Variants in LARGE1 observed in about 807,000 individuals in gnomAD.
LARGE1 encodes LARGE xylosyl- and glucuronyltransferase 1, also known as xylosyl- and glucuronyltransferase LARGE1.
A neutral mutation model predicts 87.6 loss-of-function variants in LARGE1; 43 were observed. The observed-to-expected ratio is 0.49, with a 90% CI of 0.38 to 0.63. LARGE1 has a LOEUF of 0.63. LARGE1 is among the 30% of genes least tolerant of loss of function. LARGE1 has a pLI of 0.00. For synonymous variants in LARGE1, 434 were observed against 394.6 expected, an observed-to-expected ratio of 1.10 and a Z score of -1.18; for missense variants, 802 against 1,000.2, an observed-to-expected ratio of 0.80 and a Z score of 2.67.
chr22:33,693,308 T>C (rs1371514028), intron 2 of LARGE1, among the ~76,000 whole-genome samples: 1 of 151,998 alleles, frequency 6.6e-6, no homozygotes, highest in Non-Finnish European at 1.5e-5. Context: ...GTACACTACT[T>C]GGGTGACAGG....
intron 5 of LARGE1, among the ~76,000 whole-genome samples, chr22:33,579,281 T>C (rs557575676): frequency 6.6e-6 from 1 of 152,212 alleles, no homozygotes; most frequent in Non-Finnish European, 1.5e-5. Flanking sequence ...AGCTCTCTCT[T>C]TGCCTGCTGC....
At chr22:33,089,296 TTCTTCCTCTTC>T in the LARGE1 span, among the ~76,000 whole-genome samples, 274 of 150,538 alleles carry the variant, frequency 1.8e-3, 1 homozygote, top group Middle Eastern at 6.8e-3. Flanking sequence ...CTTCTTCTTC[TTCTTCCTCTTC>T]TTCTTCTTTC....
intron 7 of LARGE1, among the ~76,000 whole-genome samples, chr22:33,426,292 T>C (rs1046159943): frequency 6.6e-6 from 1 of 152,236 alleles, no homozygotes; most frequent in Non-Finnish European, 1.5e-5. Context: ...AACAGTTTTC[T>C]ACCCTACCCT....
At chr22:33,113,926 A>T in the LARGE1 span, among the ~76,000 whole-genome samples, 154 of 149,554 alleles carry the variant, frequency 1.0e-3, no homozygotes, top group Non-Finnish European at 1.8e-3. Flanking sequence ...GCTGGAGTGC[A>T]GTGTTGCGAT....
intron 5 of LARGE1, among the ~76,000 whole-genome samples, chr22:33,577,192 T>C (rs927017289): frequency 8.5e-5 from 13 of 152,160 alleles, no homozygotes; most frequent in Non-Finnish European, 1.9e-4. Context: ...AAAAATAAGA[T>C]ATTCCAATGG....
chr22:33,585,912 T>C (rs2078658809), intron 5 of LARGE1, among the ~76,000 whole-genome samples: 1 of 152,234 alleles, frequency 6.6e-6, no homozygotes, highest in Non-Finnish European at 1.5e-5. Flanking sequence ...TTGGCCAGGC[T>C]GGTCTCAAAC....
chr22:33,089,143 AT>A, the LARGE1 span, among the ~76,000 whole-genome samples: 1 of 152,092 alleles, frequency 6.6e-6, no homozygotes, highest in Non-Finnish European at 1.5e-5. Flanking sequence ...TAAGTCTTTC[AT>A]TTTCTTCAGA....
At chr22:33,478,801 T>C (rs1240921090) in intron 6 of LARGE1, among the ~76,000 whole-genome samples, 1 of 152,174 alleles carries the variant, frequency 6.6e-6, no homozygotes, top group African/African-American at 2.4e-5. Context: ...TGTGTTCCCG[T>C]AGCAGGGATA....
At chr22:33,725,280 G>A (rs550903480) in intron 2 of LARGE1, among the ~76,000 whole-genome samples, 2 of 152,322 alleles carry the variant, frequency 1.3e-5, no homozygotes, top group South Asian at 2.1e-4. Context: ...CCAGGATGTG[G>A]TCTGGGAGGC....
chr22:33,867,002 A>C (rs1212545172), intron 1 of LARGE1, among the ~76,000 whole-genome samples: 1 of 152,246 alleles, frequency 6.6e-6, no homozygotes, highest in Non-Finnish European at 1.5e-5. Flanking sequence ...GCAATGAAAA[A>C]GAAATGCCAA....
At chr22:33,823,267 T>C (rs1473392513) in intron 1 of LARGE1, among the ~76,000 whole-genome samples, 1 of 152,244 alleles carries the variant, frequency 6.6e-6, no homozygotes, top group East Asian at 1.9e-4. Flanking sequence ...TGTCTGTGTG[T>C]GTGTATGTAC....
intron 11 of LARGE1, among the ~76,000 whole-genome samples, chr22:33,246,665 C>T (rs1386318352): frequency 6.6e-6 from 1 of 152,098 alleles, no homozygotes; most frequent in Admixed American, 6.6e-5. Context: ...TAAATAACAA[C>T]TTTTAAAAAC....
chr22:33,133,228 C>T, the LARGE1 span, among the ~76,000 whole-genome samples: 3 of 152,074 alleles, frequency 2.0e-5, no homozygotes, highest in African/African-American at 7.2e-5. Context: ...ATGTGCAGAA[C>T]GTGCAGTTTT....
At chr22:33,543,639 C>T (rs889731276) in intron 6 of LARGE1, among the ~76,000 whole-genome samples, 4 of 152,216 alleles carry the variant, frequency 2.6e-5, no homozygotes, top group Admixed American at 2.0e-4. Context: ...TCGCAAGTGA[C>T]AGAGACTTTA....
At chr22:33,553,376 C>T (rs763206587) in intron 6 of LARGE1, among the ~76,000 whole-genome samples, 17 of 151,828 alleles carry the variant, frequency 1.1e-4, no homozygotes, top group Admixed American at 3.3e-4. Context: ...AATAGCCAGA[C>T]GTGGTAGCAC....
At chr22:33,431,689 T>C (rs780574681) in intron 7 of LARGE1, among the ~76,000 whole-genome samples, 2 of 152,186 alleles carry the variant, frequency 1.3e-5, no homozygotes, top group South Asian at 4.1e-4. Flanking sequence ...TCTGCTACTT[T>C]CCCACCACAT....
chr22:33,783,199 G>A (rs2085482033), intron 1 of LARGE1, among the ~76,000 whole-genome samples: 1 of 151,894 alleles, frequency 6.6e-6, no homozygotes, highest in Non-Finnish European at 1.5e-5. Context: ...TCTCATCAGA[G>A]TGATGAGAGT....
At chr22:33,690,877 T>A (rs989764567) in intron 2 of LARGE1, among the ~76,000 whole-genome samples, 2 of 152,030 alleles carry the variant, frequency 1.3e-5, no homozygotes, top group African/African-American at 4.8e-5. Flanking sequence ...TTTCCATGGC[T>A]CCATCCATCA....
At chr22:33,332,936 T>C (rs1937923661) in intron 10 of LARGE1, among the ~76,000 whole-genome samples, 1 of 151,930 alleles carries the variant, frequency 6.6e-6, no homozygotes, top group South Asian at 2.1e-4. Flanking sequence ...ATCCATCTGC[T>C]CTCTCCATTC....
Sources: gnomAD v4.1 joint callset for allele counts (sites outside exome capture counted in the v4.1 genomes callset) on GRCh38, gnomAD v4.1.1 for gene constraint, MANE v1.5 for transcripts, NCBI Gene and HGNC (gene_info 2026-07-23, HGNC 2026-07-21) for gene names.